Variants in C12orf54 observed in about 807,000 individuals in gnomAD.
C12orf54 encodes the protein uncharacterized protein C12orf54.
Under a neutral mutation model 26.4 loss-of-function variants are expected in C12orf54, and 24 were observed. The ratio of observed to expected loss-of-function variants is 0.91; its 90% confidence interval spans 0.66 to 1.28. The LOEUF is 1.28. C12orf54 is among the 50% of genes most tolerant of loss of function. The pLI is 0.00. For missense variants in C12orf54, 154 were observed against 150.9 expected, an observed-to-expected ratio of 1.02 and a Z score of -0.11; for synonymous variants, 54 against 47.0, an observed-to-expected ratio of 1.15 and a Z score of -0.61.
At chr12:48,418,366 A>G in the C12orf54 span, among the ~76,000 whole-genome samples, 3 of 152,190 alleles carry the variant, frequency 2.0e-5, no homozygotes, top group African/African-American at 4.8e-5. Context: ...GGTAGTGTGG[A>G]AGGTCTATTC....
the C12orf54 span, among the ~76,000 whole-genome samples, chr12:48,414,377 G>T: frequency 2.0e-5 from 3 of 152,310 alleles, no homozygotes; most frequent in East Asian, 5.8e-4. Context: ...GGAAAATCTG[G>T]TTTTCTTTTC....
At chr12:48,419,576 GA>G in the C12orf54 span, among the ~76,000 whole-genome samples, 1 of 152,168 alleles carries the variant, frequency 6.6e-6, no homozygotes, top group South Asian at 2.1e-4. Context: ...CAAGATCAAG[GA>G]GGGATAGATG....
At chr12:48,433,632 A>G in the C12orf54 span, among the ~76,000 whole-genome samples, 8 of 152,178 alleles carry the variant, frequency 5.3e-5, no homozygotes, top group African/African-American at 1.9e-4. Flanking sequence ...TATTTTTAGT[A>G]GAGACGGGGT....
chr12:48,445,193 A>G, the C12orf54 span, among the ~76,000 whole-genome samples: 2 of 151,902 alleles, frequency 1.3e-5, no homozygotes, highest in East Asian at 1.9e-4. Context: ...AAATTAATAC[A>G]TTGATGAACG....
the C12orf54 span, among the ~76,000 whole-genome samples, chr12:48,474,914 C>A: frequency 6.6e-6 from 1 of 152,196 alleles, no homozygotes; most frequent in Non-Finnish European, 1.5e-5. Context: ...TCTCCCGGCA[C>A]GCAGCTTGAA....
At chr12:48,452,494 TTAAAC>T in the C12orf54 span, among the ~76,000 whole-genome samples, 50,995 of 151,610 alleles carry the variant, frequency 0.34, 10,556 homozygotes, top group Middle Eastern at 0.48. Context: ...TGGGATCTAA[TTAAAC>T]TAAAGAGCTT....
At chr12:48,421,155 T>C in the C12orf54 span, among the ~76,000 whole-genome samples, 1 of 152,298 alleles carries the variant, frequency 6.6e-6, no homozygotes, top group Admixed American at 6.5e-5. Context: ...AATTTATATT[T>C]TTAAAAAGAT....
At chr12:48,448,482 T>C in the C12orf54 span, among the ~76,000 whole-genome samples, 97 of 152,360 alleles carry the variant, frequency 6.4e-4, no homozygotes, top group Middle Eastern at 3.4e-3. Flanking sequence ...TCGCATTATA[T>C]GATTATACTA....
the C12orf54 span, chr12:48,441,883 G>T: frequency 6.6e-6 from 1 of 151,974 alleles, no homozygotes; most frequent in Non-Finnish European, 1.5e-5. Context: ...TTTCAGAAAA[G>T]GTAAATTTTC....
chr12:48,458,256 TGAG>T, the C12orf54 span, among the ~76,000 whole-genome samples: 1 of 152,174 alleles, frequency 6.6e-6, no homozygotes, highest in Non-Finnish European at 1.5e-5. Context: ...CAGCAGCTAG[TGAG>T]GAGAATATTC....
At chr12:48,477,121 C>T in the C12orf54 span, among the ~76,000 whole-genome samples, 51 of 152,318 alleles carry the variant, frequency 3.3e-4, no homozygotes, top group Non-Finnish European at 6.3e-4. Context: ...TACATGGAAA[C>T]TGAACAACAT....
intron 2 of C12orf54, among the ~76,000 whole-genome samples, chr12:48,484,850 A>G (rs1954240011): frequency 6.6e-6 from 1 of 152,190 alleles, no homozygotes; most frequent in South Asian, 2.1e-4. Flanking sequence ...CCTCATAAAT[A>G]TGTGATTATT....
chr12:48,463,581 T>C, the C12orf54 span, among the ~76,000 whole-genome samples: 19,215 of 150,860 alleles, frequency 0.13, 1,608 homozygotes, highest in Non-Finnish European at 0.2. Context: ...GCCAGCATCA[T>C]CCTGATAGCA....
At chr12:48,474,989 G>A in the C12orf54 span, among the ~76,000 whole-genome samples, 1 of 152,160 alleles carries the variant, frequency 6.6e-6, no homozygotes, top group Non-Finnish European at 1.5e-5. Flanking sequence ...TAACTGGGAG[G>A]CACCCCCCAG....
chr12:48,439,059 G>GA, the C12orf54 span, among the ~76,000 whole-genome samples: 2 of 151,598 alleles, frequency 1.3e-5, no homozygotes, highest in South Asian at 2.1e-4. Context: ...AAATTTACAA[G>GA]AAAAAAAACA....
the C12orf54 span, among the ~76,000 whole-genome samples, chr12:48,415,448 G>A: frequency 6.6e-6 from 1 of 152,152 alleles, no homozygotes; most frequent in African/African-American, 2.4e-5. Context: ...ACAAAATCCA[G>A]TGGTAGCTTT....
the C12orf54 span, among the ~76,000 whole-genome samples, chr12:48,453,580 C>CACATATATAT: frequency 1.3e-5 from 1 of 74,362 alleles, no homozygotes; most frequent in African/African-American, 3.8e-5. Context: ...TACACATATA[C>CACATATATAT]ACATATATAT....
chr12:48,490,712 A>G, intron 5 of C12orf54, 100 bp from the exon 6 acceptor site: 2 of 1,385,516 alleles, frequency 1.4e-6, no homozygotes, highest in Non-Finnish European at 2.0e-6. Context: ...ATTTTCCCAA[A>G]CAGACATCCC....
the C12orf54 span, among the ~76,000 whole-genome samples, chr12:48,448,023 A>G: frequency 8.6e-6 from 1 of 116,478 alleles, no homozygotes; most frequent in Non-Finnish European, 2.3e-5. Flanking sequence ...GGCAGCTAGC[A>G]AAAAAAACAG....
Sources: allele counts gnomAD v4.1 joint callset (sites outside exome capture counted in the v4.1 genomes callset), GRCh38; gene constraint gnomAD v4.1.1; transcripts MANE v1.5; gene names NCBI Gene and HGNC (gene_info 2026-07-23, HGNC 2026-07-21).